The following RREB1 variants were observed in gnomAD, a reference collection of about 807,000 sequenced individuals.
The protein encoded by RREB1 is ras responsive element binding protein 1.
RREB1 carries 27 observed loss-of-function variants against 117.8 expected under a neutral mutation model. The observed-to-expected ratio is 0.23, with a 90% CI of 0.17 to 0.32. The LOEUF is 0.32. Among genes scored for constraint, RREB1 ranks in the 10% least tolerant of loss-of-function variants. The probability of loss-of-function intolerance (pLI) is 1.00; values close to 1 mark genes in which losing one functional copy is unlikely to be tolerated. For missense variants in RREB1, 2,577 were observed against 2,378.2 expected (o/e 1.08, Z -1.74); for synonymous variants, 1,298 against 1,026.7 (o/e 1.26, Z -5.05).
At chr6:7,219,548 C>T (rs1767118701) in intron 8 of RREB1, among the ~76,000 whole-genome samples, 1 of 152,194 alleles carries the variant, frequency 6.6e-6, no homozygotes, top group South Asian at 2.1e-4. Context: ...GTGGAGTTCA[C>T]CAGCTCGTGT....
intron 9 of RREB1, among the ~76,000 whole-genome samples, chr6:7,226,914 T>C (rs993174234): frequency 1.3e-5 from 2 of 152,190 alleles, no homozygotes; most frequent in African/African-American, 2.4e-5. Context: ...CTTCTGTGCC[T>C]TTTGTCCGTT....
chr6:7,211,674 G>A lies in RREB1; in HGVS notation c.672G>A (p.Glu224=). Residue 224 remains glutamate, a synonymous_variant, in exon 8 of 13, where the codon GAG becomes GAA. Coordinates refer to ENST00000379938, the MANE Select transcript of RREB1 (RefSeq NM_001003699.4). ...AGTTTGTTTGCAAGTATGGACTGGA[G>A]ACCCACATGGAGACCCATTCAGATA... ...FKEFVCKYGL[E]THMETHSDNP... is the part of the protein sequence containing the mutation. 20 of 1,614,070 alleles carry A rather than the reference G, an allele frequency of 1.2e-5. No individual in the cohort carries two copies. The highest frequency in any genetic ancestry group is 1.6e-5 in the Non-Finnish European group (19 of 1,179,930).
intron 6 of RREB1, among the ~76,000 whole-genome samples, chr6:7,201,804 G>T (rs1766002662): frequency 6.6e-6 from 1 of 152,156 alleles, no homozygotes; most frequent in Admixed American, 6.5e-5. Flanking sequence ...CAAGAGGACT[G>T]CTGTTCCAAG....
intron 9 of RREB1, among the ~76,000 whole-genome samples, chr6:7,227,087 A>T (rs1767626360): frequency 6.6e-6 from 1 of 152,168 alleles, no homozygotes; most frequent in Non-Finnish European, 1.5e-5. Flanking sequence ...CAAAAAATTT[A>T]AAAATTAGCC....
intron 1 of RREB1, among the ~76,000 whole-genome samples, chr6:7,171,106 A>G (rs1414597466): frequency 6.6e-6 from 1 of 152,208 alleles, no homozygotes; most frequent in Non-Finnish European, 1.5e-5. Flanking sequence ...CTCATCAGAT[A>G]GGACTAGACT....
At chr6:7,169,118 C>A (rs1764095595) in intron 1 of RREB1, among the ~76,000 whole-genome samples, 2 of 152,234 alleles carry the variant, frequency 1.3e-5, no homozygotes, top group Admixed American at 1.3e-4. Context: ...ACATTCTTTT[C>A]TGTTTTCAAA....
chr6:7,109,029 G>C (rs890792164), intron 1 of RREB1, among the ~76,000 whole-genome samples: 5 of 151,514 alleles, frequency 3.3e-5, no homozygotes, highest in Non-Finnish European at 5.9e-5. Flanking sequence ...GCGGGCGGGG[G>C]GGGTGGGGGG....
intron 1 of RREB1, among the ~76,000 whole-genome samples, chr6:7,155,588 G>A (rs1046418858): frequency 6.6e-6 from 1 of 152,260 alleles, no homozygotes; most frequent in African/African-American, 2.4e-5. Flanking sequence ...TGGGATTACA[G>A]GCGTGAGCCA....
chr6:7,124,807 G>T (rs1761839359), intron 1 of RREB1, among the ~76,000 whole-genome samples: 1 of 152,184 alleles, frequency 6.6e-6, no homozygotes, highest in Admixed American at 6.5e-5. Flanking sequence ...CCATGATGTA[G>T]ATGCAGTTGT....
chr6:7,153,353 GAAA>G (rs1229683170), intron 1 of RREB1, among the ~76,000 whole-genome samples: 5 of 150,866 alleles, frequency 3.3e-5, no homozygotes, highest in African/African-American at 9.8e-5. Flanking sequence ...AAATAAAATT[GAAA>G]CCCTTTACTC....
At chr6:7,120,527 G>A (rs948637539) in intron 1 of RREB1, among the ~76,000 whole-genome samples, 2 of 152,112 alleles carry the variant, frequency 1.3e-5, no homozygotes, top group Admixed American at 1.3e-4. Context: ...CAGACGTTAT[G>A]TTCTTACCAT....
chr6:7,194,404 A>T (rs950301816), intron 6 of RREB1, among the ~76,000 whole-genome samples: 3 of 152,152 alleles, frequency 2.0e-5, no homozygotes, highest in Non-Finnish European at 4.4e-5. Flanking sequence ...ACAAAAAATT[A>T]GCCGGGTGTG....
intron 6 of RREB1, among the ~76,000 whole-genome samples, chr6:7,191,288 TC>T (rs1370760094): frequency 6.6e-6 from 1 of 152,172 alleles, no homozygotes; most frequent in Non-Finnish European, 1.5e-5. Context: ...AGTGTGCACT[TC>T]AGTGGGCTTC....
chr6:7,234,629 A>G (rs1768207967), intron 10 of RREB1, among the ~76,000 whole-genome samples: 1 of 152,206 alleles, frequency 6.6e-6, no homozygotes, highest in Admixed American at 6.5e-5. Context: ...TTGTCCCTTA[A>G]AAGTTATTGA....
At chr6:7,131,876 T>G (rs1561734408) in intron 1 of RREB1, among the ~76,000 whole-genome samples, 1 of 151,986 alleles carries the variant, frequency 6.6e-6, no homozygotes, top group Non-Finnish European at 1.5e-5. Context: ...TTTTTTTTTT[T>G]GGAGACAGAG....
intron 9 of RREB1, among the ~76,000 whole-genome samples, chr6:7,227,338 C>A (rs985782702): frequency 1.3e-5 from 2 of 151,742 alleles, no homozygotes; most frequent in Non-Finnish European, 2.9e-5. Flanking sequence ...GTCAGGAGTT[C>A]AAGACCAGCC....
At chr6:7,120,044 G>A (rs967650652) in intron 1 of RREB1, among the ~76,000 whole-genome samples, 31 of 152,234 alleles carry the variant, frequency 2.0e-4, no homozygotes, top group Admixed American at 2.0e-3. Context: ...CAGGGTTTAC[G>A]AACAAGGTGT....
chr6:7,175,687 T>C (rs1050088880), intron 1 of RREB1, among the ~76,000 whole-genome samples: 1 of 152,180 alleles, frequency 6.6e-6, no homozygotes, highest in African/African-American at 2.4e-5. Flanking sequence ...AGATGCTGCA[T>C]TCCAGTTTTC....
At chr6:7,245,841 G>GCGC (rs1561808043) in intron 11 of RREB1, among the ~76,000 whole-genome samples, 1 of 152,200 alleles carries the variant, frequency 6.6e-6, no homozygotes, top group Non-Finnish European at 1.5e-5. Flanking sequence ...AAGCTTGCCT[G>GCGC]CGCCCCCTTG....
Sources: allele counts gnomAD v4.1 joint callset (sites outside exome capture counted in the v4.1 genomes callset), GRCh38; gene constraint gnomAD v4.1.1; transcripts MANE v1.5; gene names NCBI Gene and HGNC (gene_info 2026-07-23, HGNC 2026-07-21).